CKAP5: variants seen among roughly 807,000 people sequenced by gnomAD.
CKAP5 encodes the protein cytoskeleton-associated protein 5.
A neutral mutation model predicts 232.8 loss-of-function variants in CKAP5; 27 were observed. The ratio of observed to expected loss-of-function variants is 0.12; its 90% CI spans 0.09 to 0.16. The LOEUF (loss-of-function observed/expected upper bound fraction) is 0.16, where lower values mean the gene tolerates loss of function less well. CKAP5 is among the 10% of genes least tolerant of loss of function. The pLI is 1.00. For synonymous variants in CKAP5, 785 were observed against 841.1 expected, an observed-to-expected ratio of 0.93 and a Z score of 1.16; for missense variants, 1,838 against 2,424.7, an observed-to-expected ratio of 0.76 and a Z score of 5.08.
At chr11:46,779,322 G>A (rs1190083248) in intron 20 of CKAP5, among the ~76,000 whole-genome samples, 1 of 152,090 alleles carries the variant, frequency 6.6e-6, no homozygotes, top group Non-Finnish European at 1.5e-5. Flanking sequence ...TAGTAGAGAT[G>A]GAGTTTTGCC....
In CKAP5 at chr11:46,778,475, G is replaced by A. The variant is rs748612370; in HGVS notation, c.2558C>T (p.Pro853Leu). ...TGGAACCTACCTGATCTCCGTCCTC[G>A]GCAAAAGATCAACGACATCATTGCT... ...DGSNDVVDLL[P>L]RTEISDKITS... The change falls in exon 21 of 44, where the codon CCG becomes CTG. Residue 853 changes from proline (P) to leucine (L), a missense_variant. Physicochemically the swap from Pro to Leu is moderately conservative, Grantham distance 98 (BLOSUM62 -3). Coordinates refer to ENST00000529230, the MANE Select transcript of CKAP5 (RefSeq NM_001008938.4). 12 of 1,613,916 alleles carry A rather than the reference G, an allele frequency of 7.4e-6. No homozygotes were observed. Among genetic ancestry groups the A allele is most frequent in the South Asian group, 5.5e-5 (5 of 91,070 alleles).
In CKAP5 at chr11:46,759,181, T is replaced by G. The variant is rs2065136019; in HGVS notation, c.4568+88A>C. 4.0e-6 allele frequency: 6 copies of G among 1,517,852 alleles called. No individual in the cohort carries two copies. The East Asian group carries it at 1.1e-4, about 29-fold the overall frequency. 94.0% of individuals were successfully genotyped at this position (1,517,852 alleles called of 1,614,324 possible). On this transcript the variant is annotated intron_variant, in intron 34 of 43. Coordinates refer to ENST00000529230, the MANE Select transcript of CKAP5 (RefSeq NM_001008938.4). ...CAAAAAATAATCAGTTCTAAAAAGTTTTAACTGCACATTACAAAGGGCACA... is the reference window on the plus strand; with the variant it reads ...CAAAAAATAATCAGTTCTAAAAAGTGTTAACTGCACATTACAAAGGGCACA...
At chr11:46,756,520 A>G (rs1245691059) in intron 35 of CKAP5, among the ~76,000 whole-genome samples, 1 of 152,206 alleles carries the variant, frequency 6.6e-6, no homozygotes, top group African/African-American at 2.4e-5. Flanking sequence ...CTTATTAACA[A>G]CAAGGACATT....
intron 15 of CKAP5, among the ~76,000 whole-genome samples, chr11:46,789,142 A>G (rs1223931838): frequency 6.6e-6 from 1 of 152,230 alleles, no homozygotes; most frequent in African/African-American, 2.4e-5. Context: ...TCCTAAAAAC[A>G]GCAAAGCAGA....
At chr11:46,805,131 C>T (rs12270104) in intron 8 of CKAP5, among the ~76,000 whole-genome samples, 62 of 151,244 alleles carry the variant, frequency 4.1e-4, no homozygotes, top group African/African-American at 1.4e-3. Flanking sequence ...GCTACTCAGG[C>T]GGCTGAGGCA....
chr11:46,793,232 G>A (rs948886709), intron 13 of CKAP5, among the ~76,000 whole-genome samples: 2 of 152,222 alleles, frequency 1.3e-5, no homozygotes, highest in African/African-American at 4.8e-5. Context: ...CTCAAGAGTT[G>A]TTACAGTGAT....
chr11:46,812,803 A>T (rs1939308091), intron 4 of CKAP5, among the ~76,000 whole-genome samples: 2 of 151,866 alleles, frequency 1.3e-5, no homozygotes, highest in African/African-American at 4.8e-5. Context: ...ATGCCCGGCT[A>T]ATTTTTTTTT....
chr11:46,774,789 G>A (rs1360288613), intron 24 of CKAP5, among the ~76,000 whole-genome samples: 1 of 152,166 alleles, frequency 6.6e-6, no homozygotes, highest in African/African-American at 2.4e-5. Flanking sequence ...TTAGCCATAT[G>A]CAGAAAACTG....
intron 1 of CKAP5, among the ~76,000 whole-genome samples, chr11:46,838,508 C>T (rs1939967819): frequency 6.6e-6 from 1 of 151,058 alleles, no homozygotes; most frequent in African/African-American, 2.4e-5. Flanking sequence ...CACGGTGGCT[C>T]ACGCCTGTAA....
chr11:46,751,627 A>T, intron 38 of CKAP5, 93 bp from the exon 39 acceptor site: 1 of 1,071,728 alleles, frequency 9.3e-7, no homozygotes, highest in South Asian at 1.6e-5. Context: ...CTCACTTCTA[A>T]AAGATGGCCA....
chr11:46,763,198 A>G lies in CKAP5; in HGVS notation c.3688-19T>C, dbSNP rs770484213. ...CCAAGTGCTTAAAATAAAACAAAACAAAACTCCCACAAATAAGAATAATCA... is the reference window on the plus strand; with the variant it reads ...CCAAGTGCTTAAAATAAAACAAAACGAAACTCCCACAAATAAGAATAATCA... On this transcript the variant is annotated intron_variant, in intron 29 of 43. Coordinates refer to ENST00000529230, the MANE Select transcript of CKAP5 (RefSeq NM_001008938.4). 6 of 1,530,456 alleles carry G rather than the reference A, an allele frequency of 3.9e-6. No homozygotes were observed. The South Asian group carries it at 7.0e-5, about 18-fold the overall frequency. 94.8% of individuals were successfully genotyped at this position (1,530,456 alleles called of 1,614,324 possible). A position where few individuals can be genotyped will look rare whatever the true frequency, so the allele number is the denominator to read the frequency against.
Position 46,809,859 on chromosome 11 carries a change from C to G in CKAP5, c.646G>C (p.Glu216Gln). ...CTTGTTGGCAGTTTGACCCATTCTT[C>G]TTCTAGTTCTTTCAACTGCAAATGT... The part of the protein sequence containing the change: ...INSVQLKELE[E>Q]EWVKLPTSAP... Residue 216 changes from glutamate (E) to glutamine (Q), a missense_variant, in exon 6 of 44, where the codon GAA becomes CAA. Around this residue, in one of 6 missense-constraint regions of CKAP5, gnomAD observed 285 missense variants for 300.0 expected, o/e 0.95. Transcript: ENST00000529230. 1.2e-6 allele frequency: 2 copies of G among 1,608,250 alleles called. No homozygotes were observed. The highest frequency in any genetic ancestry group is 1.7e-6 in the Non-Finnish European group (2 of 1,178,604).
chr11:46,805,401 A>C (rs1258016842), intron 8 of CKAP5, among the ~76,000 whole-genome samples: 1 of 152,240 alleles, frequency 6.6e-6, no homozygotes, highest in Non-Finnish European at 1.5e-5. Context: ...TACTACTTTC[A>C]TTAAAGGAAA....
chr11:46,775,790 G>A (rs2065285142), intron 24 of CKAP5, among the ~76,000 whole-genome samples: 1 of 152,094 alleles, frequency 6.6e-6, no homozygotes, highest in Admixed American at 6.6e-5. Context: ...TACGGGCACA[G>A]GGAGGGGAAC....
At chr11:46,837,198 AATGG>A (rs1939937216) in intron 1 of CKAP5, among the ~76,000 whole-genome samples, 1 of 152,196 alleles carries the variant, frequency 6.6e-6, no homozygotes. Flanking sequence ...CAATTAAATA[AATGG>A]ATGGTGGAAA....
At chr11:46,798,264 A>G (rs1938938168) in intron 9 of CKAP5, 92 bp from the exon 10 acceptor site, 1 of 925,836 alleles carries the variant, frequency 1.1e-6, no homozygotes, top group Non-Finnish European at 1.7e-6. Flanking sequence ...TAAAAATAGT[A>G]TGCTAAGTTA....
chr11:46,819,561 AC>A (rs1333308358), intron 2 of CKAP5, among the ~76,000 whole-genome samples: 1 of 152,226 alleles, frequency 6.6e-6, no homozygotes, highest in Non-Finnish European at 1.5e-5. Context: ...TGTCCTCAAC[AC>A]TATTAGATCA....
intron 35 of CKAP5, among the ~76,000 whole-genome samples, chr11:46,756,350 T>C (rs553458413): frequency 6.6e-6 from 1 of 152,208 alleles, no homozygotes; most frequent in South Asian, 2.1e-4. Flanking sequence ...GCAGCCAGAG[T>C]AATTTCTTCC....
intron 23 of CKAP5, among the ~76,000 whole-genome samples, chr11:46,776,710 C>T (rs907225722): frequency 6.6e-6 from 1 of 152,088 alleles, no homozygotes; most frequent in Non-Finnish European, 1.5e-5. Context: ...ACGTCCATGT[C>T]TGTCTGCTAA....
Sources: allele counts gnomAD v4.1 joint callset (sites outside exome capture counted in the v4.1 genomes callset), GRCh38; gene constraint gnomAD v4.1.1; regional missense constraint gnomAD v4.1.1; transcripts MANE v1.5; gene names NCBI Gene and HGNC (gene_info 2026-07-23, HGNC 2026-07-21).